The following COL19A1 variants were observed in gnomAD, a reference collection of about 807,000 sequenced individuals.
The protein encoded by COL19A1 is collagen alpha-1(XIX) chain.
In COL19A1, 159 loss-of-function variants were observed where a neutral mutation model predicts 190.2. The ratio of observed to expected loss-of-function variants is 0.84; its 90% CI spans 0.73 to 0.95. COL19A1 has a LOEUF of 0.95. COL19A1 is among the 40% of genes least tolerant of loss of function. The pLI, the probability that COL19A1 is intolerant of heterozygous loss-of-function variation, is 0.00. For synonymous variants in COL19A1, 509 were observed against 458.9 expected, an observed-to-expected ratio of 1.11 and a Z score of -1.39; for missense variants, 1,418 against 1,431.9, an observed-to-expected ratio of 0.99 and a Z score of 0.16.
At position 70,208,652 on chromosome 6, in the gene COL19A1, G is replaced by A. The variant is rs1294604674; in HGVS notation, c.*1378G>A. ...CCACAGATGTGAGAACATGCTGCAAGAGCCTGCCAGCCACAGCAATCAGGA... is the reference window on the plus strand; with the variant it reads ...CCACAGATGTGAGAACATGCTGCAAAAGCCTGCCAGCCACAGCAATCAGGA... On this transcript the variant is annotated 3_prime_UTR_variant, in exon 51 of 51. Transcript: ENST00000620364. 6.5e-6 allele frequency: 1 copy of A among 152,674 alleles called. No individual in the cohort carries two copies. 9.5% of individuals were successfully genotyped at this position (152,674 alleles called of 1,614,324 possible). A position where few individuals can be genotyped will look rare whatever the true frequency, so the allele number is the denominator to read the frequency against.
At chr6:70,116,516 A>C (rs979240189) in intron 16 of COL19A1, among the ~76,000 whole-genome samples, 4 of 152,188 alleles carry the variant, frequency 2.6e-5, no homozygotes, top group African/African-American at 9.6e-5. Flanking sequence ...AATGTGCTTT[A>C]CTAAGTTATG....
intron 11 of COL19A1, among the ~76,000 whole-genome samples, chr6:70,003,982 T>C (rs1777450023): frequency 6.6e-6 from 1 of 152,196 alleles, no homozygotes; most frequent in African/African-American, 2.4e-5. Context: ...GTCTTTATAT[T>C]TTGGTGTGTT....
chr6:69,928,360 C>T (rs1772531326), intron 5 of COL19A1, among the ~76,000 whole-genome samples: 1 of 152,064 alleles, frequency 6.6e-6, no homozygotes, highest in Admixed American at 6.6e-5. Context: ...TCTTCATCTT[C>T]CTTCTGTCGT....
intron 15 of COL19A1, among the ~76,000 whole-genome samples, chr6:70,089,142 T>C (rs1209201023): frequency 6.6e-6 from 1 of 152,174 alleles, no homozygotes; most frequent in Non-Finnish European, 1.5e-5. Context: ...TTTGAATGGA[T>C]TTAAATCATA....
At chr6:69,941,508 A>G (rs960361352) in intron 9 of COL19A1, among the ~76,000 whole-genome samples, 1 of 152,144 alleles carries the variant, frequency 6.6e-6, no homozygotes, top group Admixed American at 6.6e-5. Flanking sequence ...AGAATTTTCA[A>G]TTTATTAGAT....
At chr6:70,126,076 C>T (rs557467716) in intron 17 of COL19A1, among the ~76,000 whole-genome samples, 9 of 151,868 alleles carry the variant, frequency 5.9e-5, no homozygotes, top group East Asian at 1.9e-4. Context: ...TCACCACACT[C>T]GGTCTCAGCT....
intron 15 of COL19A1, among the ~76,000 whole-genome samples, chr6:70,085,654 T>G (rs1782537882): frequency 6.6e-6 from 1 of 152,178 alleles, no homozygotes; most frequent in Non-Finnish European, 1.5e-5. Flanking sequence ...TCATAAGGAT[T>G]CTTTATTCTT....
intron 34 of COL19A1, among the ~76,000 whole-genome samples, chr6:70,160,986 G>A (rs1787760353): frequency 6.6e-6 from 1 of 152,096 alleles, no homozygotes; most frequent in Non-Finnish European, 1.5e-5. Flanking sequence ...GTTGGCAAAT[G>A]TATCAAAGTA....
rs139391356 is a variant in COL19A1, at chr6:69,891,470, C to CTA, written c.92-7477_92-7476dup. Among the ~76,000 whole-genome samples the CTA allele has an allele frequency of 3.7e-3, 569 of 152,210 alleles. 1 individual carries two copies. The highest frequency in any genetic ancestry group is 6.5e-3 in the Non-Finnish European group (445 of 68,014). ...AGGATGCATTTGAAAGGGGTACAGACTAAAGATGAATGGCTACCCATCTAG... is the reference window on the plus strand; with the variant it reads ...AGGATGCATTTGAAAGGGGTACAGACTATAAAGATGAATGGCTACCCATCTAG... On this transcript the variant is annotated intron_variant, in intron 2 of 50. Transcript: ENST00000620364.
At chr6:70,119,744 C>A (rs1368702647) in intron 16 of COL19A1, among the ~76,000 whole-genome samples, 1 of 152,144 alleles carries the variant, frequency 6.6e-6, no homozygotes, top group African/African-American at 2.4e-5. Flanking sequence ...ATTGTAAGGA[C>A]TAAATTAGTT....
At chr6:69,988,021 G>A (rs1422761217) in intron 11 of COL19A1, among the ~76,000 whole-genome samples, 1 of 152,136 alleles carries the variant, frequency 6.6e-6, no homozygotes, top group Non-Finnish European at 1.5e-5. Context: ...GACTCATACA[G>A]GTTCTGGAAA....
intron 39 of COL19A1, among the ~76,000 whole-genome samples, 156 bp downstream of exon 39, chr6:70,168,371 T>C (rs931630490): frequency 6.6e-6 from 1 of 152,178 alleles, no homozygotes; most frequent in African/African-American, 2.4e-5. Flanking sequence ...TATAATAAAA[T>C]TGAGAAAATG....
chr6:69,948,613 G>A (rs1405176909), intron 9 of COL19A1, among the ~76,000 whole-genome samples: 1 of 151,774 alleles, frequency 6.6e-6, no homozygotes, highest in African/African-American at 2.4e-5. Context: ...AGAAAGTTAA[G>A]TATGCAAGCC....
At chr6:70,174,607 T>C (rs1297049998) in intron 41 of COL19A1, among the ~76,000 whole-genome samples, 1 of 151,814 alleles carries the variant, frequency 6.6e-6, no homozygotes, top group Admixed American at 6.6e-5. Context: ...TTTCCAGCCA[T>C]GTTCAGACAT....
intron 14 of COL19A1, among the ~76,000 whole-genome samples, chr6:70,036,704 T>C (rs1349944824): frequency 6.6e-6 from 1 of 152,154 alleles, no homozygotes; most frequent in African/African-American, 2.4e-5. Flanking sequence ...GCCTGAAGTC[T>C]TTTGAATTTT....
intron 9 of COL19A1, among the ~76,000 whole-genome samples, chr6:69,942,189 T>C (rs952373245): frequency 6.6e-6 from 1 of 152,212 alleles, no homozygotes; most frequent in African/African-American, 2.4e-5. Flanking sequence ...TTTCAAATTA[T>C]ATGTCACTAC....
intron 11 of COL19A1, among the ~76,000 whole-genome samples, chr6:69,967,542 A>G (rs1775187008): frequency 6.6e-6 from 1 of 152,172 alleles, no homozygotes; most frequent in South Asian, 2.1e-4. Flanking sequence ...GGTTATACTA[A>G]TAACAATAAA....
At chr6:69,977,037 G>A (rs9446177) in intron 11 of COL19A1, among the ~76,000 whole-genome samples, 32,631 of 151,912 alleles carry the variant, frequency 0.21, 6,090 homozygotes, top group African/African-American at 0.5. Flanking sequence ...CAGAAATACC[G>A]TTTGACCCAG....
chr6:70,199,946 A>G (rs1480684106), intron 49 of COL19A1: 2 of 473,922 alleles, frequency 4.2e-6, no homozygotes, highest in South Asian at 2.3e-5. Flanking sequence ...TACTACTTCA[A>G]ATTTAAAACC....
Sources: allele counts gnomAD v4.1 joint callset (sites outside exome capture counted in the v4.1 genomes callset), GRCh38; gene constraint gnomAD v4.1.1; transcripts MANE v1.5; gene names NCBI Gene and HGNC (gene_info 2026-07-23, HGNC 2026-07-21).